MBOAT2: variants seen among roughly 807,000 people sequenced by gnomAD.
The protein encoded by MBOAT2 is membrane bound glycerophospholipid O-acyltransferase 2, also known as membrane-bound glycerophospholipid O-acyltransferase 2.
MBOAT2 carries 28 observed loss-of-function variants against 63.4 expected under a neutral mutation model. That is an observed-to-expected ratio of 0.44 (90% CI 0.33 to 0.61). The LOEUF is 0.61. MBOAT2 is among the 20% of genes least tolerant of loss of function. The pLI, the probability that MBOAT2 is intolerant of heterozygous loss-of-function variation, is 0.03. For missense variants in MBOAT2, 470 were observed against 605.8 expected, an observed-to-expected ratio of 0.78 and a Z score of 2.35; for synonymous variants, 211 against 215.6, an observed-to-expected ratio of 0.98 and a Z score of 0.19.
At chr2:8,896,488 G>A (rs1432009518) in intron 4 of MBOAT2, among the ~76,000 whole-genome samples, 1 of 152,164 alleles carries the variant, frequency 6.6e-6, no homozygotes, top group Non-Finnish European at 1.5e-5. Flanking sequence ...GTCACTTCCT[G>A]CAAACTGTCT....
intron 1 of MBOAT2, among the ~76,000 whole-genome samples, chr2:8,974,663 A>G (rs147978675): frequency 1.3e-5 from 2 of 152,138 alleles, no homozygotes; most frequent in Non-Finnish European, 2.9e-5. Context: ...TTTTTTCATT[A>G]TGTACCTATC....
intron 1 of MBOAT2, among the ~76,000 whole-genome samples, chr2:8,981,616 A>G (rs965853760): frequency 2.2e-4 from 34 of 152,154 alleles, no homozygotes; most frequent in African/African-American, 8.2e-4. Context: ...ACAGGAGTGA[A>G]TGGGCCAACA....
chr2:8,980,046 T>C (rs1671091154), intron 1 of MBOAT2, among the ~76,000 whole-genome samples: 1 of 152,140 alleles, frequency 6.6e-6, no homozygotes, highest in South Asian at 2.1e-4. Flanking sequence ...AATTAAGTAG[T>C]CAAAGGCAGC....
At chr2:8,965,420 G>T (rs1573189942) in intron 1 of MBOAT2, among the ~76,000 whole-genome samples, 1 of 152,052 alleles carries the variant, frequency 6.6e-6, no homozygotes, top group East Asian at 1.9e-4. Flanking sequence ...CAGCAGATGT[G>T]GGACCTCAAC....
chr2:8,950,269 G>A (rs1024350638), intron 2 of MBOAT2, among the ~76,000 whole-genome samples: 1 of 152,078 alleles, frequency 6.6e-6, no homozygotes, highest in South Asian at 2.1e-4. Flanking sequence ...AGCAAAGACC[G>A]AGAGTTTGAC....
At chr2:8,956,325 T>A (rs901446022) in intron 2 of MBOAT2, among the ~76,000 whole-genome samples, 2 of 152,178 alleles carry the variant, frequency 1.3e-5, no homozygotes, top group Non-Finnish European at 2.9e-5. Flanking sequence ...TACAGAGGCA[T>A]AAACAATCCG....
chr2:8,897,398 A>G (rs967039125), intron 4 of MBOAT2, among the ~76,000 whole-genome samples: 3 of 152,178 alleles, frequency 2.0e-5, no homozygotes, highest in African/African-American at 7.2e-5. Flanking sequence ...ACTGCATGCA[A>G]TAACTCCATG....
chr2:8,992,476 T>C (rs2103365246), intron 1 of MBOAT2, among the ~76,000 whole-genome samples: 1 of 152,314 alleles, frequency 6.6e-6, no homozygotes, highest in East Asian at 1.9e-4. Context: ...CACTTAGATG[T>C]TTTTCATGTA....
At chr2:8,920,501 G>T (rs1204235279) in intron 3 of MBOAT2, among the ~76,000 whole-genome samples, 5 of 151,520 alleles carry the variant, frequency 3.3e-5, no homozygotes. Context: ...AATTATCTTG[G>T]TTACTTAAGG....
intron 3 of MBOAT2, among the ~76,000 whole-genome samples, chr2:8,909,266 A>G (rs73916025): frequency 0.018 from 2,795 of 152,336 alleles, 58 homozygotes; most frequent in African/African-American, 0.055. Context: ...AAGAACTTAT[A>G]TATCAACAGG....
Position 9,003,510 on chromosome 2 carries a change from G to T in MBOAT2, c.75+30C>A, listed in dbSNP as rs1247983514. 35 of 1,178,160 alleles carry T rather than the reference G, an allele frequency of 3.0e-5. No individual in the cohort carries two copies. Among genetic ancestry groups the T allele is most frequent in the Non-Finnish European group, 3.7e-5 (35 of 953,902 alleles). The allele number at this position is 1,178,160 out of a possible 1,614,324, so 73.0% of individuals were successfully genotyped here. A position where few individuals can be genotyped will look rare whatever the true frequency, so the allele number is the denominator to read the frequency against. On this transcript the variant is annotated intron_variant, in intron 1 of 12. Coordinates refer to ENST00000305997, the MANE Select transcript of MBOAT2 (RefSeq NM_138799.4). This position sits in a 1 kb window ranked among gnomAD's most constrained non-coding sequence, Gnocchi z 5.4. ...CGGCGGGGAGGGGCGGCGAGGGCGC[G>T]ACGCCCGGCGCCAGGGCGCCTCGGG...
intron 1 of MBOAT2, among the ~76,000 whole-genome samples, chr2:8,989,763 T>C (rs1055853034): frequency 1.3e-5 from 2 of 152,198 alleles, no homozygotes; most frequent in Admixed American, 1.3e-4. Flanking sequence ...ACTACAACTA[T>C]CTAGAAATGA....
At chr2:8,874,961 C>T (rs1015876276) in intron 7 of MBOAT2, among the ~76,000 whole-genome samples, 1 of 152,158 alleles carries the variant, frequency 6.6e-6, no homozygotes, top group African/African-American at 2.4e-5. Context: ...TTGGGGCCCC[C>T]ATATTATCAA....
At chr2:8,951,170 T>C (rs1668800192) in intron 2 of MBOAT2, among the ~76,000 whole-genome samples, 1 of 151,878 alleles carries the variant, frequency 6.6e-6, no homozygotes, top group African/African-American at 2.4e-5. Flanking sequence ...TTCTCCTCAA[T>C]TTTTTTGTAA....
At chr2:8,871,373 A>T (rs542992525) in intron 8 of MBOAT2, among the ~76,000 whole-genome samples, 1 of 152,228 alleles carries the variant, frequency 6.6e-6, no homozygotes, top group East Asian at 1.9e-4. Flanking sequence ...AAATTCAAGG[A>T]CCTCGTTCTA....
chr2:8,865,375 G>A (rs575704441), intron 9 of MBOAT2, among the ~76,000 whole-genome samples: 3 of 151,706 alleles, frequency 2.0e-5, no homozygotes, highest in African/African-American at 4.8e-5. Flanking sequence ...TCTCATCATC[G>A]AACTACACAC....
intron 1 of MBOAT2, among the ~76,000 whole-genome samples, chr2:8,991,190 AT>A (rs1400682438): frequency 6.6e-6 from 1 of 152,200 alleles, no homozygotes; most frequent in Non-Finnish European, 1.5e-5. Flanking sequence ...CCAAAAATCA[AT>A]ATACACTTTC....
intron 6 of MBOAT2, among the ~76,000 whole-genome samples, chr2:8,879,908 C>A (rs1480323932): frequency 6.6e-6 from 1 of 151,964 alleles, no homozygotes; most frequent in South Asian, 2.1e-4. Flanking sequence ...AGCAAAGGGA[C>A]GGAAAGTGAT....
chr2:8,905,276 G>A (rs1419239369), intron 4 of MBOAT2, among the ~76,000 whole-genome samples: 3 of 151,970 alleles, frequency 2.0e-5, no homozygotes, highest in African/African-American at 7.3e-5. Flanking sequence ...AGGGTTCCCT[G>A]TGCTTGAATA....
Sources: allele counts gnomAD v4.1 joint callset (sites outside exome capture counted in the v4.1 genomes callset), GRCh38; gene constraint gnomAD v4.1.1; non-coding constraint Gnocchi (gnomAD v3.1); transcripts MANE v1.5; gene names NCBI Gene and HGNC (gene_info 2026-07-23, HGNC 2026-07-21).